The following DAPK1 variants were observed in gnomAD, a reference collection of about 807,000 sequenced individuals.
DAPK1 encodes death associated protein kinase 1.
In DAPK1, 56 loss-of-function variants were observed where a neutral mutation model predicts 144.9. That is an observed-to-expected ratio of 0.39 (90% CI 0.31 to 0.48). DAPK1 has a LOEUF of 0.48. Among genes scored for constraint, DAPK1 ranks in the 20% least tolerant of loss-of-function variants. The pLI is 0.95. For synonymous variants in DAPK1, 690 were observed against 749.0 expected, an observed-to-expected ratio of 0.92 and a Z score of 1.29; for missense variants, 1,454 against 1,875.4, an observed-to-expected ratio of 0.78 and a Z score of 4.15.
intron 2 of DAPK1, among the ~76,000 whole-genome samples, chr9:87,599,062 T>G (rs531511821): frequency 1.9e-4 from 29 of 152,290 alleles, no homozygotes; most frequent in Non-Finnish European, 2.5e-4. Flanking sequence ...CAAAACACTT[T>G]CCTAGAGTGA....
At chr9:87,585,427 G>C (rs992349360) in intron 2 of DAPK1, among the ~76,000 whole-genome samples, 53 of 152,174 alleles carry the variant, frequency 3.5e-4, no homozygotes, top group African/African-American at 1.2e-3. Context: ...TTTGGCTTCT[G>C]TACTCCAAAC....
At chr9:87,530,634 A>G (rs10868615) in intron 2 of DAPK1, among the ~76,000 whole-genome samples, 136,745 of 152,242 alleles carry the variant, frequency 0.9, 61,608 homozygotes, top group African/African-American at 0.97. Flanking sequence ...ATATGAAGTT[A>G]GTTCTTTAAA....
Position 87,651,541 on chromosome 9 carries a change from C to T in DAPK1, c.1641C>T (p.Ala547=). ...TTTGTTTCCAGGACGGACACATTGC[C>T]CTTCATCTGGCTGTAAGACGGTGTC... The part of the protein sequence containing the change: ...LNACDKDGHI[A]LHLAVRRCQM... The change falls in exon 17 of 26, where the codon GCC becomes GCT. Residue 547 remains alanine (A), a synonymous_variant. Coordinates refer to ENST00000408954, the MANE Select transcript of DAPK1 (RefSeq NM_004938.4). The T allele has an allele frequency of 6.2e-7, 1 of 1,614,152 alleles. No homozygotes were observed. Among genetic ancestry groups the T allele is most frequent in the Non-Finnish European group, 8.5e-7 (1 of 1,180,014 alleles).
intron 2 of DAPK1, 24 bp downstream of exon 2, chr9:87,499,163 C>T (rs1432106964): frequency 2.5e-6 from 4 of 1,604,764 alleles, no homozygotes; most frequent in Non-Finnish European, 3.4e-6. Context: ...CAGAAGCGTA[C>T]CCTCCTGGAT....
At chr9:87,552,544 A>C (rs1826534063) in intron 2 of DAPK1, among the ~76,000 whole-genome samples, 1 of 152,168 alleles carries the variant, frequency 6.6e-6, no homozygotes, top group Non-Finnish European at 1.5e-5. Context: ...GACAGAAAAA[A>C]AATCAATTAA....
intron 2 of DAPK1, among the ~76,000 whole-genome samples, chr9:87,502,547 G>A (rs549110235): frequency 2.6e-5 from 4 of 152,298 alleles, no homozygotes; most frequent in African/African-American, 7.2e-5. Context: ...CTTGGCCGTC[G>A]TTCAGCCTAA....
At position 87,706,652 on chromosome 9, in the gene DAPK1, T is replaced by C; in HGVS notation, c.3581T>C (p.Ile1194Thr). 6.2e-7 allele frequency: 1 copy of C among 1,612,486 alleles called. No individual in the cohort carries two copies. Among genetic ancestry groups the C allele is most frequent in the Non-Finnish European group, 8.5e-7 (1 of 1,179,344 alleles). Residue 1194 changes from isoleucine (I) to threonine (T), a missense_variant, in exon 26 of 26, where the codon ATT becomes ACT. Physicochemically the swap from Ile to Thr is moderately conservative, Grantham distance 89. Around this residue, in one of 2 missense-constraint regions of DAPK1, gnomAD observed 1,025 missense variants for 1,237.9 expected, o/e 0.83. Transcript: ENST00000408954. This position sits in a 1 kb window ranked among gnomAD's most constrained non-coding sequence, Gnocchi z 9.0. ...CTGCTGGTCAACCACGGCCAGGGCA[T>C]TGAGGTCCAGGTCCGCGGCCTGGAG... ...LVLLVNHGQG[I>T]EVQVRGLETE... is the part of the protein sequence containing the mutation.
chr9:87,683,645 G>A (rs1824725258), intron 20 of DAPK1, among the ~76,000 whole-genome samples: 1 of 152,192 alleles, frequency 6.6e-6, no homozygotes, highest in African/African-American at 2.4e-5. Flanking sequence ...CCTCAGAGGT[G>A]AGGTATCCAT....
intron 21 of DAPK1, among the ~76,000 whole-genome samples, chr9:87,695,015 G>A (rs1825207571): frequency 6.6e-6 from 1 of 152,218 alleles, no homozygotes; most frequent in African/African-American, 2.4e-5. Flanking sequence ...GGAGTTCATG[G>A]TCTGTGTGCA....
At chr9:87,570,211 T>C (rs897685687) in intron 2 of DAPK1, among the ~76,000 whole-genome samples, 1 of 152,212 alleles carries the variant, frequency 6.6e-6, no homozygotes, top group Admixed American at 6.5e-5. Context: ...TATGGACTCT[T>C]GAACCTCATT....
intron 2 of DAPK1, among the ~76,000 whole-genome samples, chr9:87,555,383 T>G (rs1826671049): frequency 1.3e-5 from 2 of 152,184 alleles, no homozygotes; most frequent in Non-Finnish European, 2.9e-5. Flanking sequence ...ACACAAGGAC[T>G]AGATGAGAAT....
At chr9:87,671,423 A>G (rs1219465805) in intron 19 of DAPK1, among the ~76,000 whole-genome samples, 1 of 151,918 alleles carries the variant, frequency 6.6e-6, no homozygotes, top group African/African-American at 2.4e-5. Flanking sequence ...AAAATACAAA[A>G]TATTATTTTG....
Position 87,651,606 on chromosome 9 carries a change from T to C in DAPK1, c.1706T>C (p.Phe569Ser), listed in dbSNP as rs202159650. The C allele has an allele frequency of 6.2e-7, 1 of 1,614,164 alleles. No homozygotes were observed. Among genetic ancestry groups the C allele is most frequent in the Admixed American group, 1.7e-5 (1 of 60,026 alleles). ...VIKTLLSQGC[F>S]VDYQDRHGNT... is the part of the protein sequence containing the mutation. The stretch of plus-strand genomic sequence containing the variant: ...AAGACTCTCCTCAGCCAAGGGTGTT[T>C]CGTCGATTATCAAGACAGGCACGGC... The change falls in exon 17 of 26, where the codon TTC becomes TCC. Residue 569 changes from phenylalanine (F) to serine (S), a missense_variant. Around this residue, in one of 2 missense-constraint regions of DAPK1, gnomAD observed 1,025 missense variants for 1,237.9 expected, o/e 0.83. Coordinates refer to ENST00000408954, the MANE Select transcript of DAPK1 (RefSeq NM_004938.4).
chr9:87,527,457 G>A lies in DAPK1; in HGVS notation c.62+28318G>A, dbSNP rs1381610951. Reference sequence around the variant, plus strand: ...CCATTGTTACTCACCGGCCTTACACGGATGACCATGCGCTGTACAGGGAAT... The same window carrying A: ...CCATTGTTACTCACCGGCCTTACACAGATGACCATGCGCTGTACAGGGAAT... On this transcript the variant is annotated intron_variant, in intron 2 of 25. Coordinates refer to ENST00000408954, the MANE Select transcript of DAPK1 (RefSeq NM_004938.4). 1.3e-5 allele frequency among the ~76,000 whole-genome samples: 2 copies of A among 152,138 alleles called. 1 individual carries two copies. Among genetic ancestry groups the A allele is most frequent in the East Asian group, 3.9e-4 (2 of 5,182 alleles).
intron 2 of DAPK1, among the ~76,000 whole-genome samples, chr9:87,553,246 G>A (rs1015808860): frequency 9.4e-5 from 14 of 149,262 alleles, no homozygotes; most frequent in Non-Finnish European, 2.0e-4. Flanking sequence ...TGTCATGTGG[G>A]GGGGGTTGGG....
chr9:87,499,095 G>A lies in DAPK1; in HGVS notation c.18G>A (p.Gln6=). Residue 6 remains glutamine (Q), a synonymous_variant, in exon 2 of 26, where the codon CAG becomes CAA. Coordinates refer to ENST00000408954, the MANE Select transcript of DAPK1 (RefSeq NM_004938.4). MTVFR[Q]ENVDDYYDTG... ...AGTTTATCATGACCGTGTTCAGGCA[G>A]GAAAACGTGGATGATTACTACGACA... is the stretch of plus-strand genomic sequence containing the variant. The A allele has an allele frequency of 1.2e-6, 2 of 1,614,104 alleles. No individual in the cohort carries two copies. Among genetic ancestry groups the A allele is most frequent in the South Asian group, 2.2e-5 (2 of 91,082 alleles).
At chr9:87,522,831 A>G (rs1250211747) in intron 2 of DAPK1, among the ~76,000 whole-genome samples, 2 of 152,206 alleles carry the variant, frequency 1.3e-5, no homozygotes, top group African/African-American at 4.8e-5. Flanking sequence ...AGTTTCATCA[A>G]TTTTTAAGTA....
At chr9:87,602,078 T>C (rs1003648248) in intron 2 of DAPK1, among the ~76,000 whole-genome samples, 1 of 152,062 alleles carries the variant, frequency 6.6e-6, no homozygotes, top group African/African-American at 2.4e-5. Context: ...CTGAGGGGTA[T>C]GGGGTGCTCT....
At position 87,646,487 on chromosome 9, in the gene DAPK1, T is replaced by C; in HGVS notation, c.1158T>C (p.Ala386=). ...ACGGGACACCTCCATTACTCATTGC[T>C]GCTGGCTGTGGGAATATTCAAATAC... ...NKHGTPPLLI[A]AGCGNIQILQ... Residue 386 remains alanine (A), a synonymous_variant, in exon 13 of 26, where the codon GCT becomes GCC. Transcript: ENST00000408954. 6.2e-7 allele frequency: 1 copy of C among 1,614,082 alleles called. No homozygotes were observed. Among genetic ancestry groups the C allele is most frequent in the Non-Finnish European group, 8.5e-7 (1 of 1,179,898 alleles).
Sources: gnomAD v4.1 joint callset for allele counts (sites outside exome capture counted in the v4.1 genomes callset) on GRCh38, gnomAD v4.1.1 for gene constraint, gnomAD v4.1.1 regional missense constraint, Gnocchi (gnomAD v3.1) non-coding constraint, MANE v1.5 for transcripts, NCBI Gene and HGNC (gene_info 2026-07-23, HGNC 2026-07-21) for gene names.